Variants in FOXN3 observed in about 807,000 individuals in gnomAD.
The protein encoded by FOXN3 is forkhead box N3.
FOXN3 carries 7 observed loss-of-function variants against 38.4 expected under a neutral mutation model. That is an observed-to-expected ratio of 0.18 (90% CI 0.10 to 0.34). The LOEUF (loss-of-function observed/expected upper bound fraction) is 0.34. FOXN3 is among the 10% of genes least tolerant of loss of function. FOXN3 has a pLI of 1.00. For synonymous variants in FOXN3, 230 were observed against 242.2 expected (o/e 0.95, Z 0.47); for missense variants, 456 against 613.4 (o/e 0.74, Z 2.71).
intron 4 of FOXN3, among the ~76,000 whole-genome samples, chr14:89,190,798 AG>A (rs1257171763): frequency 6.6e-6 from 1 of 152,332 alleles, no homozygotes; most frequent in South Asian, 2.1e-4. Context: ...CAGTGACAAT[AG>A]GAAGTTCAGC....
At chr14:89,458,374 C>T (rs1210778513) in intron 1 of FOXN3, among the ~76,000 whole-genome samples, 1 of 152,226 alleles carries the variant, frequency 6.6e-6, no homozygotes, top group African/African-American at 2.4e-5. Flanking sequence ...GCCACTTGAG[C>T]AGCCCCTCCT....
intron 4 of FOXN3, chr14:89,230,702 G>A: frequency 4.2e-6 from 1 of 236,044 alleles, no homozygotes; most frequent in Non-Finnish European, 9.0e-6. Flanking sequence ...TGAATCCCAA[G>A]TATCAAGAAC....
chr14:89,609,164 A>AAG (rs1219598521), intron 1 of FOXN3, among the ~76,000 whole-genome samples: 1 of 152,170 alleles, frequency 6.6e-6, no homozygotes, highest in Non-Finnish European at 1.5e-5. Context: ...AAAGTGAGGC[A>AAG]GAAAAAGAGA....
chr14:89,284,892 G>A (rs1341409407), intron 3 of FOXN3, among the ~76,000 whole-genome samples: 4 of 152,118 alleles, frequency 2.6e-5, no homozygotes, highest in African/African-American at 7.2e-5. Context: ...CAGCATACCC[G>A]GCGGCTGCCA....
At chr14:89,293,518 T>C (rs3783866) in intron 3 of FOXN3, among the ~76,000 whole-genome samples, 38,271 of 152,122 alleles carry the variant, frequency 0.25, 4,977 homozygotes, top group Admixed American at 0.34. Context: ...TGCAAGAGCA[T>C]TGCCCTGCCT....
intron 4 of FOXN3, among the ~76,000 whole-genome samples, chr14:89,250,702 C>T (rs1432989182): frequency 1.3e-5 from 2 of 152,190 alleles, no homozygotes; most frequent in Non-Finnish European, 2.9e-5. Flanking sequence ...TGTGTCCCCA[C>T]ACAAATCTCG....
At chr14:89,465,443 T>C (rs1360826457) in intron 1 of FOXN3, among the ~76,000 whole-genome samples, 1 of 152,034 alleles carries the variant, frequency 6.6e-6, no homozygotes, top group Non-Finnish European at 1.5e-5. Flanking sequence ...TTGGGTAGGA[T>C]GGTCTCAATC....
intron 3 of FOXN3, among the ~76,000 whole-genome samples, chr14:89,312,281 T>G (rs1292769814): frequency 2.9e-4 from 4 of 13,838 alleles, no homozygotes; most frequent in Non-Finnish European, 2.8e-4. Context: ...CAAGACTCGG[T>G]CTCAAAAAAA....
intron 3 of FOXN3, among the ~76,000 whole-genome samples, chr14:89,328,285 G>A (rs1333511138): frequency 3.3e-5 from 5 of 152,090 alleles, no homozygotes; most frequent in Middle Eastern, 3.2e-3. Flanking sequence ...ATGAATGGGC[G>A]AAGAGACATT....
rs1308703806 is a variant in FOXN3 at position 89,335,009 on chromosome 14, C to T, written c.680+15663G>A. On this transcript the variant is annotated intron_variant, in intron 3 of 5. Coordinates refer to ENST00000557258, the MANE Select transcript of FOXN3 (RefSeq NM_005197.4). ...CTTGAACTCCTGACCCCATGATCTG[C>T]CCGCCTCAGCCTCCCCAAGTGCTGG... 3.9e-5 allele frequency among the ~76,000 whole-genome samples: 6 copies of T among 151,906 alleles called. No individual in the cohort carries two copies. In the East Asian group the frequency reaches 1.2e-3, roughly 29 times the overall value.
At chr14:89,246,576 T>C (rs1463572217) in intron 4 of FOXN3, among the ~76,000 whole-genome samples, 1 of 132,790 alleles carries the variant, frequency 7.5e-6, no homozygotes, top group African/African-American at 2.8e-5. Flanking sequence ...AGTCTCACTC[T>C]GTTGCCAGGC....
At chr14:89,485,923 A>G (rs1242080486) in intron 1 of FOXN3, among the ~76,000 whole-genome samples, 1 of 152,120 alleles carries the variant, frequency 6.6e-6, no homozygotes, top group African/African-American at 2.4e-5. Flanking sequence ...ACAAAGCCCA[A>G]CTGAGGCCCT....
At chr14:89,510,908 A>G (rs1348931626) in intron 1 of FOXN3, among the ~76,000 whole-genome samples, 1 of 152,062 alleles carries the variant, frequency 6.6e-6, no homozygotes, top group East Asian at 1.9e-4. Flanking sequence ...ACACCACTGC[A>G]CTCCAGCCTG....
At chr14:89,191,445 A>G (rs1887939331) in intron 4 of FOXN3, among the ~76,000 whole-genome samples, 2 of 152,192 alleles carry the variant, frequency 1.3e-5, no homozygotes, top group South Asian at 4.1e-4. Flanking sequence ...CGACATCAAA[A>G]TGCCTTCCCT....
intron 1 of FOXN3, among the ~76,000 whole-genome samples, chr14:89,476,136 T>C (rs1366363318): frequency 5.9e-5 from 9 of 152,196 alleles, no homozygotes; most frequent in Non-Finnish European, 1.3e-4. Context: ...TGCTCTCGGA[T>C]GTTTGCATGT....
At chr14:89,166,687 A>C (rs925069161) in intron 5 of FOXN3, among the ~76,000 whole-genome samples, 2 of 152,260 alleles carry the variant, frequency 1.3e-5, no homozygotes, top group Non-Finnish European at 2.9e-5. Flanking sequence ...GTGAGAATTA[A>C]AATATAAATG....
intron 2 of FOXN3, among the ~76,000 whole-genome samples, chr14:89,384,931 G>A (rs1177857638): frequency 6.6e-6 from 1 of 152,162 alleles, no homozygotes; most frequent in Non-Finnish European, 1.5e-5. Context: ...TATATCCCAT[G>A]GAGAAACAGC....
chr14:89,301,986 ACT>A (rs555324832), intron 3 of FOXN3, among the ~76,000 whole-genome samples: 68 of 151,430 alleles, frequency 4.5e-4, no homozygotes, highest in African/African-American at 1.6e-3. Context: ...CTTGCTTGTG[ACT>A]CTCTGCTGTT....
At position 89,403,651 on chromosome 14, in the gene FOXN3, G is replaced by C. The variant is rs531160952; in HGVS notation, c.543+8283C>G. 3.3e-5 allele frequency among the ~76,000 whole-genome samples: 5 copies of C among 152,352 alleles called. No homozygotes were observed. In the East Asian group the frequency reaches 5.8e-4, roughly 18 times the overall value. On this transcript the variant is annotated intron_variant, in intron 2 of 5. Transcript: ENST00000557258. ...CCATTTCTTGCTGGTTGGATATACA[G>C]GCAGTACATCGATGAAGTATCTGGT... is the stretch of plus-strand genomic sequence containing the variant.
Sources: allele counts gnomAD v4.1 joint callset (sites outside exome capture counted in the v4.1 genomes callset), GRCh38; gene constraint gnomAD v4.1.1; transcripts MANE v1.5; gene names NCBI Gene and HGNC (gene_info 2026-07-23, HGNC 2026-07-21).